Variants in KLC1 observed in about 807,000 individuals in gnomAD.
KLC1 encodes kinesin 2 60/70kDa.
KLC1 carries 30 observed loss-of-function variants against 84.2 expected under a neutral mutation model. The observed-to-expected ratio is 0.36, with a 90% CI of 0.27 to 0.48. KLC1 has a LOEUF of 0.48. KLC1 is among the 20% of genes least tolerant of loss of function. KLC1 has a pLI of 0.99. For synonymous variants in KLC1, 289 were observed against 293.3 expected (o/e 0.99, Z 0.15); for missense variants, 499 against 805.4 (o/e 0.62, Z 4.60).
In KLC1 at chr14:103,666,270, A is replaced by G. The variant is rs372996195; in HGVS notation, c.798-3241A>G. 9.6e-4 allele frequency among the ~76,000 whole-genome samples: 146 copies of G among 151,952 alleles called. 1 individual carries two copies. Among genetic ancestry groups the G allele is most frequent in the South Asian group, 8.1e-3 (39 of 4,802 alleles). On this transcript the variant is annotated intron_variant, in intron 5 of 16. Transcript: ENST00000334553. ...AGTAGAGACGGAGTTTCACCATGTT[A>G]GCCAGGATGGTCTTGATCTCCTGAC...
intron 13 of KLC1, among the ~76,000 whole-genome samples, chr14:103,681,104 T>G (rs1211577469): frequency 6.6e-6 from 1 of 152,206 alleles, no homozygotes; most frequent in African/African-American, 2.4e-5. Context: ...CCACGCTTCC[T>G]TTCTCACTTT....
chr14:103,631,002 G>C (rs990437197), intron 1 of KLC1, among the ~76,000 whole-genome samples: 23 of 152,294 alleles, frequency 1.5e-4, no homozygotes, highest in Non-Finnish European at 2.6e-4. Context: ...CTCCAGCAAG[G>C]GGGGAGGGAA....
At chr14:103,675,639 A>T (rs752388261) in intron 10 of KLC1, 38 bp downstream of exon 10, 35 of 1,602,062 alleles carry the variant, frequency 2.2e-5, no homozygotes, top group Non-Finnish European at 2.7e-5. Flanking sequence ...TAAATTGTAT[A>T]TACTGCATTC....
At position 103,694,800 on chromosome 14, in the gene KLC1, C is replaced by T. The variant is rs771701103; in HGVS notation, c.1848+2375C>T. ...GCCTCTAGAAGCTCCCCGTGGGGCA[C>T]GAAGGCTGGGGACAGAGTGTCCTGA... On this transcript the variant is annotated intron_variant, in intron 15 of 16. Transcript: ENST00000334553. This position sits in a 1 kb window ranked among gnomAD's most constrained non-coding sequence, Gnocchi z 4.5. 7.0e-5 allele frequency: 69 copies of T among 985,478 alleles called. No individual in the cohort carries two copies. Among genetic ancestry groups the T allele is most frequent in the East Asian group, 5.7e-4 (5 of 8,818 alleles). 61.0% of individuals were successfully genotyped at this position (985,478 alleles called of 1,614,324 possible). A position where few individuals can be genotyped will look rare whatever the true frequency, so the allele number is the denominator to read the frequency against.
intron 7 of KLC1, among the ~76,000 whole-genome samples, chr14:103,672,454 G>C (rs757784925): frequency 6.6e-6 from 1 of 152,166 alleles, no homozygotes; most frequent in African/African-American, 2.4e-5. Flanking sequence ...AAATATTCAA[G>C]GTAGTTTAGA....
chr14:103,666,777 CTT>C lies in KLC1; in HGVS notation c.798-2718_798-2717del, dbSNP rs67276843. On this transcript the variant is annotated intron_variant, in intron 5 of 16. Transcript: ENST00000334553. ...CCGTGCCTGGCCATTTTTTTTCTTT[CTT>C]TTTTTTTTTTTTTTTGATACGGAGT... 1.9e-3 allele frequency among the ~76,000 whole-genome samples: 211 copies of C among 111,614 alleles called. 4 individuals carry two copies. The East Asian group carries it at 0.025, about 13-fold the overall frequency. 73.2% of individuals were successfully genotyped at this position (111,614 alleles called of 152,430 possible). A position where few individuals can be genotyped will look rare whatever the true frequency, so the allele number is the denominator to read the frequency against.
intron 2 of KLC1, among the ~76,000 whole-genome samples, chr14:103,656,484 T>C (rs1263505212): frequency 6.6e-6 from 1 of 152,224 alleles, no homozygotes; most frequent in Non-Finnish European, 1.5e-5. Context: ...ATACCAAAGC[T>C]TTGCTTCTTT....
In KLC1 at chr14:103,696,144, C is replaced by T. The variant is rs556482063; in HGVS notation, c.1848+3719C>T. 3.3e-5 allele frequency: 32 copies of T among 983,244 alleles called. No individual in the cohort carries two copies. The African/African-American group carries it at 5.7e-4, about 17-fold the overall frequency. 60.9% of individuals were successfully genotyped at this position (983,244 alleles called of 1,614,324 possible). ...CAGCCGTGTGTGCAGCGCCCGTCCCCAGCAACCATGGCATGGGAGCGTCTG... is the reference window on the plus strand; with the variant it reads ...CAGCCGTGTGTGCAGCGCCCGTCCCTAGCAACCATGGCATGGGAGCGTCTG... On this transcript the variant is annotated intron_variant, in intron 15 of 16. Transcript: ENST00000334553.
intron 13 of KLC1, 83 bp downstream of exon 13, chr14:103,679,628 T>TGA: frequency 2.0e-6 from 2 of 985,600 alleles, no homozygotes; most frequent in Non-Finnish European, 3.1e-6. Flanking sequence ...TCTCATGTGC[T>TGA]AGACCTTCTG....
At chr14:103,677,584 T>C (rs1232438273) in intron 12 of KLC1, 61 bp downstream of exon 12, 1 of 940,290 alleles carries the variant, frequency 1.1e-6, no homozygotes, top group Admixed American at 2.0e-5. Context: ...GCTTCTCTTT[T>C]ACATGAATTT....
rs1595646189 is a variant in KLC1 at position 103,701,228 on chromosome 14, T to C, written c.*29T>C. 1 of 1,549,612 alleles carries C rather than the reference T, an allele frequency of 6.5e-7. No homozygotes were observed. The highest frequency in any genetic ancestry group is 2.0e-5 in the Admixed American group (1 of 50,964). On this transcript the variant is annotated 3_prime_UTR_variant, in exon 17 of 17. Coordinates refer to ENST00000334553, the MANE Select transcript of KLC1 (RefSeq NM_001394837.1). ...ACCCCGACCTGGCCCCGCTCCAGGATGGGACTGCCGAGTGTGGCCCGGAGC... is the reference window on the plus strand; with the variant it reads ...ACCCCGACCTGGCCCCGCTCCAGGACGGGACTGCCGAGTGTGGCCCGGAGC...
chr14:103,657,102 T>C (rs1378225816), intron 2 of KLC1, among the ~76,000 whole-genome samples: 1 of 152,196 alleles, frequency 6.6e-6, no homozygotes, highest in African/African-American at 2.4e-5. Flanking sequence ...AAGATTTGTA[T>C]GTGCACTGTT....
At chr14:103,699,183 G>T (rs757909834) in intron 15 of KLC1, 2 of 1,560,926 alleles carry the variant, frequency 1.3e-6, no homozygotes, top group South Asian at 2.3e-5. Flanking sequence ...CTGTCACCTG[G>T]AAGAGCACAG....
At chr14:103,651,049 G>T (rs1035413018) in intron 1 of KLC1, among the ~76,000 whole-genome samples, 1 of 151,870 alleles carries the variant, frequency 6.6e-6, no homozygotes, top group Non-Finnish European at 1.5e-5. Context: ...TTGCTCTGTC[G>T]CCCAGGCTGG....
intron 14 of KLC1, among the ~76,000 whole-genome samples, chr14:103,691,644 A>G (rs2082124262): frequency 6.7e-6 from 1 of 149,532 alleles, no homozygotes. Flanking sequence ...AATTTTTTGT[A>G]TTTTAGTAGA....
intron 1 of KLC1, among the ~76,000 whole-genome samples, chr14:103,633,831 C>G (rs1209449509): frequency 6.6e-6 from 1 of 152,056 alleles, no homozygotes; most frequent in Non-Finnish European, 1.5e-5. Context: ...CTCCTTAGCA[C>G]ACCTCACTAT....
intron 1 of KLC1, among the ~76,000 whole-genome samples, chr14:103,635,222 G>C (rs183426772): frequency 1.7e-4 from 26 of 152,312 alleles, no homozygotes; most frequent in Admixed American, 1.0e-3. Context: ...ACCATAGATT[G>C]TTCCCTGACT....
intron 4 of KLC1, among the ~76,000 whole-genome samples, chr14:103,662,443 AAGAGGT>A (rs1253201760): frequency 6.6e-6 from 1 of 152,030 alleles, no homozygotes; most frequent in East Asian, 1.9e-4. Context: ...TTACAGGGTG[AAGAGGT>A]CAGAATTACT....
At chr14:103,649,282 AC>A (rs1465668381) in intron 1 of KLC1, among the ~76,000 whole-genome samples, 1 of 152,108 alleles carries the variant, frequency 6.6e-6, no homozygotes, top group Non-Finnish European at 1.5e-5. Context: ...AAAGAGAAAA[AC>A]ATGAAAACCA....
Sources: gnomAD v4.1 joint callset for allele counts (sites outside exome capture counted in the v4.1 genomes callset) on GRCh38, gnomAD v4.1.1 for gene constraint, Gnocchi (gnomAD v3.1) non-coding constraint, MANE v1.5 for transcripts, NCBI Gene and HGNC (gene_info 2026-07-23, HGNC 2026-07-21) for gene names.